PWWP2B: variants seen among roughly 807,000 people sequenced by gnomAD.
PWWP2B encodes PWWP domain containing 2B.
In PWWP2B, 9 loss-of-function variants were observed where a neutral mutation model predicts 15.5. That is an observed-to-expected ratio of 0.58 (90% CI 0.35 to 1.02). The LOEUF (loss-of-function observed/expected upper bound fraction) is 1.02. Among genes scored for constraint, PWWP2B ranks in the 50% least tolerant of loss-of-function variants. The pLI, the probability that PWWP2B is intolerant of heterozygous loss-of-function variation, is 0.02. For missense variants in PWWP2B, 864 were observed against 865.3 expected (o/e 1.00, Z 0.02); for synonymous variants, 474 against 403.6 (o/e 1.17, Z -2.09).
intron 2 of PWWP2B, 95 bp downstream of exon 2, chr10:132,406,384 AGCC>A (rs1178928911): frequency 9.1e-7 from 1 of 1,104,600 alleles, no homozygotes; most frequent in Non-Finnish European, 1.3e-6. Context: ...AGGCCCAGGG[AGCC>A]GCCGCCTGTG....
At chr10:132,400,122 C>T (rs980356350) in intron 1 of PWWP2B, among the ~76,000 whole-genome samples, 1 of 152,154 alleles carries the variant, frequency 6.6e-6, no homozygotes, top group Non-Finnish European at 1.5e-5. Flanking sequence ...GGGGGCTGCT[C>T]TTGGGATGAT....
chr10:132,415,444 C>T lies in PWWP2B; in HGVS notation c.*17-1617C>T, dbSNP rs539449958. Among the ~76,000 whole-genome samples the T allele has an allele frequency of 6.6e-5, 8 of 121,032 alleles. No individual in the cohort carries two copies. The South Asian group carries it at 2.2e-3, about 34-fold the overall frequency. 79.4% of individuals were successfully genotyped at this position (121,032 alleles called of 152,430 possible). On this transcript the variant is annotated intron_variant, in intron 2 of 2. Coordinates refer to ENST00000305233, the MANE Select transcript of PWWP2B (RefSeq NM_138499.4). Reference sequence around the variant, plus strand: ...ACACACGCACACATGCACTCTCACACTCACATCCACTCACACACGCACTCT... The same window carrying T: ...ACACACGCACACATGCACTCTCACATTCACATCCACTCACACACGCACTCT...
chr10:132,399,962 C>G (rs1029633474), intron 1 of PWWP2B, among the ~76,000 whole-genome samples: 11 of 152,216 alleles, frequency 7.2e-5, no homozygotes, highest in Admixed American at 2.0e-4. Context: ...ACACAGACTG[C>G]TGGAAAGGTC....
chr10:132,399,014 G>GC, intron 1 of PWWP2B, among the ~76,000 whole-genome samples: 1 of 93,584 alleles, frequency 1.1e-5, no homozygotes, highest in Non-Finnish European at 2.3e-5. Context: ...CTCTCCCCCA[G>GC]CCCCAGTCCT....
chr10:132,406,133 T>C lies in PWWP2B; in HGVS notation c.1633T>C (p.Ser545Pro). 6.2e-7 allele frequency: 1 copy of C among 1,613,726 alleles called. No individual in the cohort carries two copies. Among genetic ancestry groups the C allele is most frequent in the Non-Finnish European group, 8.5e-7 (1 of 1,180,018 alleles). Residue 545 changes from serine (S) to proline (P), a missense_variant, in exon 2 of 3, where the codon TCC becomes CCC. Around this residue, in one of 2 missense-constraint regions of PWWP2B, gnomAD observed 128 missense variants for 177.6 expected, o/e 0.72. Transcript: ENST00000305233. The part of the protein sequence containing the change: ...TTSFLSISKL[S>P]PFSEFFKLRF... ...GTCGTTCTTGTCTATTTCAAAACTC[T>C]CCCCTTTCTCTGAATTTTTCAAACT...
intron 2 of PWWP2B, among the ~76,000 whole-genome samples, chr10:132,411,828 G>A (rs572525142): frequency 2.0e-5 from 3 of 152,340 alleles, no homozygotes; most frequent in East Asian, 1.9e-4. Flanking sequence ...TTAGAACAGC[G>A]TCCTTGAGCT....
In PWWP2B at chr10:132,405,090, C is replaced by T. The variant is rs750701942; in HGVS notation, c.590C>T (p.Ala197Val). The change falls in exon 2 of 3, where the codon GCG (alanine) becomes GTG (valine). Residue 197 changes from alanine (A) to valine (V), a missense_variant. This residue lies in a region of PWWP2B where 736 missense variants were observed against 687.7 expected (regional missense o/e 1.07). Coordinates refer to ENST00000305233, the MANE Select transcript of PWWP2B (RefSeq NM_138499.4). ...GAGGCCAGCCCCGGACCCCCAGCCGCGCCCAGGGCCCGCAGGAGGCTGGGC... is the reference window on the plus strand; with the variant it reads ...GAGGCCAGCCCCGGACCCCCAGCCGTGCCCAGGGCCCGCAGGAGGCTGGGC... ...PPEASPGPPA[A>V]PRARRRLGSG... is the part of the protein sequence containing the mutation. The T allele has an allele frequency of 8.5e-6, 13 of 1,531,326 alleles. No individual in the cohort carries two copies. The East Asian group carries it at 1.5e-4, about 17-fold the overall frequency. The allele number at this position is 1,531,326 out of a possible 1,614,324, so 94.9% of individuals were successfully genotyped here.
At chr10:132,408,418 G>C (rs898137003) in intron 2 of PWWP2B, among the ~76,000 whole-genome samples, 1 of 152,224 alleles carries the variant, frequency 6.6e-6, no homozygotes, top group Non-Finnish European at 1.5e-5. Flanking sequence ...AGGGGGACCC[G>C]CCACCACCAT....
At chr10:132,415,741 C>A (rs2069844846) in intron 2 of PWWP2B, among the ~76,000 whole-genome samples, 2 of 150,996 alleles carry the variant, frequency 1.3e-5, no homozygotes, top group Non-Finnish European at 2.9e-5. Context: ...TCACACACAT[C>A]CACACACACA....
chr10:132,412,341 C>T (rs1194852512), intron 2 of PWWP2B, among the ~76,000 whole-genome samples: 1 of 152,258 alleles, frequency 6.6e-6, no homozygotes, highest in East Asian at 1.9e-4. Context: ...ACCTTCAGCT[C>T]CAAATCCTTG....
intron 2 of PWWP2B, among the ~76,000 whole-genome samples, chr10:132,406,847 CCT>C (rs2069706949): frequency 6.6e-6 from 1 of 152,224 alleles, no homozygotes; most frequent in Non-Finnish European, 1.5e-5. Flanking sequence ...AGCCCTGCCC[CCT>C]GTGACCCCCC....
rs531710969 is a variant in PWWP2B at position 132,402,113 on chromosome 10, G to A, written c.126-2513G>A. 2.2e-4 allele frequency among the ~76,000 whole-genome samples: 34 copies of A among 152,370 alleles called. No individual in the cohort carries two copies. The East Asian group carries it at 6.0e-3, about 27-fold the overall frequency. The stretch of plus-strand genomic sequence containing the variant: ...GTGACTCAGGGTCCCAAAGGGGATG[G>A]CAAAGCTCAGGCTGCCCCCCACCCA... On this transcript the variant is annotated intron_variant, in intron 1 of 2. Coordinates refer to ENST00000305233, the MANE Select transcript of PWWP2B (RefSeq NM_138499.4).
Position 132,405,657 on chromosome 10 carries a change from G to A in PWWP2B, c.1157G>A (p.Gly386Asp), listed in dbSNP as rs773878702. The change falls in exon 2 of 3, where the codon GGT (glycine) becomes GAT (aspartate). Residue 386 changes from glycine (G) to aspartate (D), a missense_variant. Gly to Asp is a moderately conservative substitution (Grantham distance 94). This residue lies in a region of PWWP2B where 736 missense variants were observed against 687.7 expected (regional missense o/e 1.07). Coordinates refer to ENST00000305233, the MANE Select transcript of PWWP2B (RefSeq NM_138499.4). ...GCGGACTTGTCTTCTGGAAGTTCGGGTGAGGACGATGACTTCAAGAGCTGT... is the reference window on the plus strand; with the variant it reads ...GCGGACTTGTCTTCTGGAAGTTCGGATGAGGACGATGACTTCAAGAGCTGT... ...GLADLSSGSS[G>D]EDDDFKSCPQ... is the part of the protein sequence containing the mutation. 3.1e-6 allele frequency: 5 copies of A among 1,612,462 alleles called. No individual in the cohort carries two copies. The highest frequency in any genetic ancestry group is 3.4e-6 in the Non-Finnish European group (4 of 1,179,894).
rs747943368 is a variant in PWWP2B at position 132,417,101 on chromosome 10, C to G, written c.*57C>G. 3.1e-6 allele frequency: 5 copies of G among 1,613,572 alleles called. No homozygotes were observed. The highest frequency in any genetic ancestry group is 1.7e-5 in the Admixed American group (1 of 60,008). ...GGCGCACCTGCTGTCCTGGAGCTTC[C>G]GATCTCTGTTCGGGGACCCTGTGAG... On this transcript the variant is annotated 3_prime_UTR_variant, in exon 3 of 3. Transcript: ENST00000305233.
At chr10:132,411,220 CT>C (rs1272849846) in intron 2 of PWWP2B, among the ~76,000 whole-genome samples, 1 of 152,224 alleles carries the variant, frequency 6.6e-6, no homozygotes, top group Non-Finnish European at 1.5e-5. Context: ...AGGCTTCCCC[CT>C]CTCATGACCA....
intron 1 of PWWP2B, among the ~76,000 whole-genome samples, chr10:132,404,387 G>T (rs1043706349): frequency 1.1e-4 from 17 of 152,142 alleles, no homozygotes; most frequent in African/African-American, 3.9e-4. Context: ...CTGACCTCCC[G>T]GCCATATGCT....
chr10:132,405,320 C>T lies in PWWP2B; in HGVS notation c.820C>T (p.His274Tyr). ...GGTGGTCAAGATCCCCTCCCGCGTG[C>T]ACGGCTCTCTGGAGCCCTTCCGTCC... is the stretch of plus-strand genomic sequence containing the variant. ...GEVVKIPSRVHGSLEPFRPQQ... is the reference protein window; with the variant it reads ...GEVVKIPSRVYGSLEPFRPQQ... Residue 274 changes from histidine (H) to tyrosine (Y), a missense_variant, in exon 2 of 3, where the codon CAC (histidine) becomes TAC (tyrosine). Transcript: ENST00000305233. 6.2e-7 allele frequency: 1 copy of T among 1,612,204 alleles called. No homozygotes were observed.
At position 132,405,399 on chromosome 10, in the gene PWWP2B, A is replaced by G; in HGVS notation, c.899A>G (p.Glu300Gly). The change falls in exon 2 of 3, where the codon GAG (glutamate) becomes GGG (glycine). Residue 300 changes from glutamate (E) to glycine (G), a missense_variant. This residue lies in a region of PWWP2B where 736 missense variants were observed against 687.7 expected (regional missense o/e 1.07). Transcript: ENST00000305233. Reference protein sequence around the residue: ...GSQDPEVLDRESRDRPSCAPS... With the variant: ...GSQDPEVLDRGSRDRPSCAPS... ...CAGGACCCCGAGGTGCTGGACAGAG[A>G]GTCCCGGGACCGGCCGTCCTGCGCG... 1 of 1,611,166 alleles carries G rather than the reference A, an allele frequency of 6.2e-7. No homozygotes were observed. Among genetic ancestry groups the G allele is most frequent in the Non-Finnish European group, 8.5e-7 (1 of 1,179,210 alleles).
At position 132,403,622 on chromosome 10, in the gene PWWP2B, A is replaced by G. The variant is rs372847249; in HGVS notation, c.126-1004A>G. ...GAGGTGGCCTGCACTCTAGGACGTG[A>G]GCTGCTTCTGAGGACAAATCCCCCA... On this transcript the variant is annotated intron_variant, in intron 1 of 2. Coordinates refer to ENST00000305233, the MANE Select transcript of PWWP2B (RefSeq NM_138499.4). Among the ~76,000 whole-genome samples the G allele has an allele frequency of 1.8e-4, 28 of 152,332 alleles. No individual in the cohort carries two copies. In the South Asian group the frequency reaches 2.3e-3, roughly 12 times the overall value.
Sources: gnomAD v4.1 joint callset for allele counts (sites outside exome capture counted in the v4.1 genomes callset) on GRCh38, gnomAD v4.1.1 for gene constraint, gnomAD v4.1.1 regional missense constraint, MANE v1.5 for transcripts, NCBI Gene and HGNC (gene_info 2026-07-23, HGNC 2026-07-21) for gene names.